The following TAGLN3 variants were observed in gnomAD, a reference collection of about 807,000 sequenced individuals.
TAGLN3 encodes transgelin-3.
TAGLN3 carries 12 observed loss-of-function variants against 25.4 expected under a neutral mutation model. The observed-to-expected ratio is 0.47, with a 90% CI of 0.30 to 0.77. The LOEUF (loss-of-function observed/expected upper bound fraction) is 0.77. TAGLN3 is among the 30% of genes least tolerant of loss of function. TAGLN3 has a pLI of 0.06. For synonymous variants in TAGLN3, 96 were observed against 94.8 expected (o/e 1.01, Z -0.08); for missense variants, 218 against 255.8 (o/e 0.85, Z 1.01).
chr3:112,009,870 G>A (rs139062674), intron 3 of TAGLN3, among the ~76,000 whole-genome samples: 17 of 152,062 alleles, frequency 1.1e-4, no homozygotes, highest in African/African-American at 3.9e-4. Flanking sequence ...GTGGAGTTGT[G>A]TTGATAGTTC....
intron 3 of TAGLN3, among the ~76,000 whole-genome samples, chr3:112,009,871 T>C (rs1486342200): frequency 6.6e-6 from 1 of 152,076 alleles, no homozygotes; most frequent in African/African-American, 2.4e-5. Flanking sequence ...TGGAGTTGTG[T>C]TGATAGTTCT....
Position 111,998,991 on chromosome 3 carries a change from C to G in TAGLN3, c.-126C>G, listed in dbSNP as rs2072820230. 6.5e-6 allele frequency: 1 copy of G among 153,676 alleles called. No homozygotes were observed. The highest frequency in any genetic ancestry group is 2.4e-5 in the African/African-American group (1 of 41,496). 9.5% of individuals were successfully genotyped at this position (153,676 alleles called of 1,614,324 possible). On this transcript the variant is annotated 5_prime_UTR_variant, in exon 1 of 5. Transcript: ENST00000478951. ...AGTTCAACATGAAAGGAGGCTTCCTCCCTGCCTGCTAATTACCTGCTCTTC... is the reference window on the plus strand; with the variant it reads ...AGTTCAACATGAAAGGAGGCTTCCTGCCTGCCTGCTAATTACCTGCTCTTC...
At chr3:112,004,293 A>G (rs982359444) in intron 3 of TAGLN3, among the ~76,000 whole-genome samples, 3 of 152,146 alleles carry the variant, frequency 2.0e-5, no homozygotes, top group African/African-American at 7.2e-5. Context: ...TCAGCTGTCT[A>G]TGATTCAGAA....
At chr3:112,006,549 G>A (rs917050392) in intron 3 of TAGLN3, among the ~76,000 whole-genome samples, 3 of 152,114 alleles carry the variant, frequency 2.0e-5, no homozygotes, top group African/African-American at 7.2e-5. Context: ...CAAGAAAGAT[G>A]GAAAAATCCA....
At chr3:112,000,690 C>T (rs1258693337) in intron 2 of TAGLN3, 82 bp from the exon 3 acceptor site, 2 of 1,463,248 alleles carry the variant, frequency 1.4e-6, no homozygotes, top group East Asian at 2.3e-5. Flanking sequence ...AGCAGTGTCC[C>T]ACGTGAGCAG....
chr3:112,001,656 C>T (rs192562592), intron 3 of TAGLN3, among the ~76,000 whole-genome samples: 1 of 152,314 alleles, frequency 6.6e-6, no homozygotes, highest in Admixed American at 6.5e-5. Flanking sequence ...AACCATATGA[C>T]TGTGTTCCTT....
intron 3 of TAGLN3, among the ~76,000 whole-genome samples, chr3:112,005,801 G>A (rs573306090): frequency 2.0e-5 from 3 of 148,396 alleles, no homozygotes; most frequent in Non-Finnish European, 3.0e-5. Context: ...CCAGGTTCAC[G>A]GCATTCTCCT....
intron 3 of TAGLN3, among the ~76,000 whole-genome samples, chr3:112,002,625 G>T (rs1239656112): frequency 6.8e-6 from 1 of 146,544 alleles, no homozygotes; most frequent in African/African-American, 2.5e-5. Context: ...CAGTGTGAAT[G>T]GAAGGGACCC....
At chr3:112,013,219 C>T (rs958651610) in intron 4 of TAGLN3, among the ~76,000 whole-genome samples, 191 bp from the exon 5 acceptor site, 2 of 151,086 alleles carry the variant, frequency 1.3e-5, no homozygotes, top group African/African-American at 4.9e-5. Flanking sequence ...AGTAGCGCCA[C>T]GGCTCAGGGT....
rs932796905 is a variant in TAGLN3 at position 112,013,839 on chromosome 3, C to T, written c.*288C>T. On this transcript the variant is annotated 3_prime_UTR_variant, in exon 5 of 5. Coordinates refer to ENST00000478951, the MANE Select transcript of TAGLN3 (RefSeq NM_001008272.2). ...ATTTATTTATTTGCCAAAAATTCTCCTCTTCAACTTATAGAATGCACCTAA... is the reference window on the plus strand; with the variant it reads ...ATTTATTTATTTGCCAAAAATTCTCTTCTTCAACTTATAGAATGCACCTAA... 9.6e-6 allele frequency: 4 copies of T among 416,670 alleles called. No individual in the cohort carries two copies. The highest frequency in any genetic ancestry group is 8.2e-5 in the African/African-American group (4 of 48,640). 25.8% of individuals were successfully genotyped at this position (416,670 alleles called of 1,614,324 possible). A position where few individuals can be genotyped will look rare whatever the true frequency, so the allele number is the denominator to read the frequency against.
intron 3 of TAGLN3, among the ~76,000 whole-genome samples, chr3:112,010,663 G>A (rs553321022): frequency 6.6e-6 from 1 of 152,144 alleles, no homozygotes; most frequent in Non-Finnish European, 1.5e-5. Context: ...TCCATTGACA[G>A]CATTTTATCC....
chr3:112,001,072 T>C (rs1487904925), intron 3 of TAGLN3, 126 bp downstream of exon 3: 1 of 829,476 alleles, frequency 1.2e-6, no homozygotes, highest in Non-Finnish European at 1.9e-6. Flanking sequence ...TCAGCTGTTA[T>C]CCTGGGGGCA....
intron 1 of TAGLN3, 86 bp downstream of exon 1, chr3:111,999,200 T>G (rs2072824092): frequency 2.0e-6 from 1 of 505,134 alleles, no homozygotes; most frequent in Non-Finnish European, 3.5e-6. Context: ...CGGAGGTTTA[T>G]TCTAGAGTTA....
At chr3:112,008,152 C>G (rs1342572049) in intron 3 of TAGLN3, among the ~76,000 whole-genome samples, 1 of 152,076 alleles carries the variant, frequency 6.6e-6, no homozygotes, top group African/African-American at 2.4e-5. Context: ...AAAAGAGATG[C>G]CCCCCTGCAA....
chr3:112,007,181 C>T (rs1161262769), intron 3 of TAGLN3, among the ~76,000 whole-genome samples: 2 of 152,204 alleles, frequency 1.3e-5, no homozygotes, highest in African/African-American at 4.8e-5. Context: ...CACAAATGCA[C>T]AGCCTTCCCC....
intron 3 of TAGLN3, among the ~76,000 whole-genome samples, chr3:112,002,161 A>T (rs563115210): frequency 6.6e-6 from 1 of 152,304 alleles, no homozygotes; most frequent in Non-Finnish European, 1.5e-5. Context: ...TTGAGATTTG[A>T]TCCTTGCTTC....
At chr3:111,999,302 C>A (rs2072825146) in intron 1 of TAGLN3, 119 bp from the exon 2 acceptor site, 1 of 1,162,974 alleles carries the variant, frequency 8.6e-7, no homozygotes, top group Non-Finnish European at 1.2e-6. Flanking sequence ...CGGCTTTCTG[C>A]CCTCTTTGCT....
chr3:112,002,689 G>A (rs1270412633), intron 3 of TAGLN3, among the ~76,000 whole-genome samples: 2 of 150,622 alleles, frequency 1.3e-5, no homozygotes, highest in Non-Finnish European at 3.0e-5. Flanking sequence ...GGAGGAGGAA[G>A]AAGCCAGGAG....
intron 3 of TAGLN3, among the ~76,000 whole-genome samples, chr3:112,005,644 T>C (rs1034944849): frequency 1.3e-5 from 2 of 151,994 alleles, no homozygotes; most frequent in African/African-American, 2.4e-5. Flanking sequence ...GTAAAGTACC[T>C]GTAATGACTT....
Sources: gnomAD v4.1 joint callset for allele counts (sites outside exome capture counted in the v4.1 genomes callset) on GRCh38, gnomAD v4.1.1 for gene constraint, MANE v1.5 for transcripts, NCBI Gene and HGNC (gene_info 2026-07-23, HGNC 2026-07-21) for gene names.